The following ZFAND3 variants were observed in gnomAD, a reference collection of about 807,000 sequenced individuals.
The protein encoded by ZFAND3 is AN1-type zinc finger protein 3.
ZFAND3 carries 10 observed loss-of-function variants against 29.6 expected under a neutral mutation model. The ratio of observed to expected loss-of-function variants is 0.34; its 90% CI spans 0.21 to 0.57. The LOEUF is 0.57. Ranked by LOEUF, ZFAND3 falls within the 20% of genes least tolerant of loss-of-function variation. The pLI is 0.86. For missense variants in ZFAND3, 230 were observed against 304.5 expected, an observed-to-expected ratio of 0.76 and a Z score of 1.82; for synonymous variants, 128 against 112.6, an observed-to-expected ratio of 1.14 and a Z score of -0.87.
intron 2 of ZFAND3, among the ~76,000 whole-genome samples, chr6:38,025,053 A>C (rs1763422304): frequency 6.6e-6 from 1 of 152,226 alleles, no homozygotes. Context: ...TTCACATGTC[A>C]CATGATCATT....
At position 38,153,775 on chromosome 6, in the gene ZFAND3, A is replaced by G; in HGVS notation, c.*1386A>G. On this transcript the variant is annotated 3_prime_UTR_variant, in exon 6 of 6. Coordinates refer to ENST00000287218, the MANE Select transcript of ZFAND3 (RefSeq NM_021943.3). ...TCAGGATTCCCTTGAAAGCCCAGGCAGGGTGAGCAGTCCCAGTGGTCCTAG... is the reference window on the plus strand; with the variant it reads ...TCAGGATTCCCTTGAAAGCCCAGGCGGGGTGAGCAGTCCCAGTGGTCCTAG... The G allele has an allele frequency of 1.0e-6, 1 of 985,540 alleles. No individual in the cohort carries two copies. Among genetic ancestry groups the G allele is most frequent in the Non-Finnish European group, 1.2e-6 (1 of 830,000 alleles). 61.0% of individuals were successfully genotyped at this position (985,540 alleles called of 1,614,324 possible).
At chr6:37,828,892 C>T (rs534900498) in intron 1 of ZFAND3, among the ~76,000 whole-genome samples, 2 of 152,120 alleles carry the variant, frequency 1.3e-5, no homozygotes, top group East Asian at 1.9e-4. Flanking sequence ...CCTCGTGATC[C>T]GCCCGCCTCG....
At chr6:38,068,017 T>C (rs1764379901) in intron 3 of ZFAND3, among the ~76,000 whole-genome samples, 1 of 152,204 alleles carries the variant, frequency 6.6e-6, no homozygotes, top group African/African-American at 2.4e-5. Flanking sequence ...GGAGGATTAA[T>C]GGCAAGAAAT....
rs914597425 is a variant in ZFAND3 at position 38,153,727 on chromosome 6, G to C, written c.*1338G>C. 11 of 985,352 alleles carry C rather than the reference G, an allele frequency of 1.1e-5. No individual in the cohort carries two copies. The African/African-American group carries it at 1.9e-4, about 17-fold the overall frequency. 61.0% of individuals were successfully genotyped at this position (985,352 alleles called of 1,614,324 possible). On this transcript the variant is annotated 3_prime_UTR_variant, in exon 6 of 6. Transcript: ENST00000287218. ...TTAGGAAATCACTACCAGTCAGGTGGGGCTGGGGCTGGGTGGACAGGATCA... is the reference window on the plus strand; with the variant it reads ...TTAGGAAATCACTACCAGTCAGGTGCGGCTGGGGCTGGGTGGACAGGATCA...
chr6:38,087,227 A>G (rs1764774818), intron 4 of ZFAND3, among the ~76,000 whole-genome samples: 2 of 152,208 alleles, frequency 1.3e-5, no homozygotes, highest in Non-Finnish European at 1.5e-5. Flanking sequence ...ACCTCAAACT[A>G]TGAAACTACT....
chr6:37,938,759 A>AGAT (rs541321408), intron 2 of ZFAND3, among the ~76,000 whole-genome samples: 108 of 152,238 alleles, frequency 7.1e-4, no homozygotes, highest in African/African-American at 2.2e-3. Flanking sequence ...AGTGTGTTAA[A>AGAT]GATGATGATG....
At chr6:37,910,042 C>G (rs1051952872) in intron 1 of ZFAND3, among the ~76,000 whole-genome samples, 3 of 152,174 alleles carry the variant, frequency 2.0e-5, no homozygotes, top group Non-Finnish European at 4.4e-5. Flanking sequence ...AAGGCTTGTT[C>G]TTTGCATGTC....
intron 2 of ZFAND3, among the ~76,000 whole-genome samples, chr6:37,933,000 C>T (rs1017264935): frequency 1.8e-4 from 27 of 152,106 alleles, no homozygotes; most frequent in Non-Finnish European, 3.7e-4. Flanking sequence ...GAAAAGAGAT[C>T]ATTGAACTTT....
chr6:38,079,813 T>A (rs997494407), intron 3 of ZFAND3, among the ~76,000 whole-genome samples: 1 of 152,076 alleles, frequency 6.6e-6, no homozygotes, highest in African/African-American at 2.4e-5. Context: ...GTACACTAAC[T>A]TCCTCCTATG....
At chr6:37,951,619 A>C (rs2127420918) in intron 2 of ZFAND3, among the ~76,000 whole-genome samples, 1 of 152,256 alleles carries the variant, frequency 6.6e-6, no homozygotes, top group Non-Finnish European at 1.5e-5. Flanking sequence ...AGATTAAAAA[A>C]ACCATATATC....
In ZFAND3 at chr6:37,970,651, C is replaced by G. The variant is rs148009075; in HGVS notation, c.112+40652C>G. Among the ~76,000 whole-genome samples the G allele has an allele frequency of 3.6e-3, 554 of 152,296 alleles. 3 individuals carry two copies. Among genetic ancestry groups the G allele is most frequent in the Middle Eastern group, 0.014 (4 of 294 alleles). On this transcript the variant is annotated intron_variant, in intron 2 of 5. Transcript: ENST00000287218. ...CGCGCGGTGGCTCAACGCCTGTAATCCCAGCACTTTGGGAGGCCAAGATGG... is the reference window on the plus strand; with the variant it reads ...CGCGCGGTGGCTCAACGCCTGTAATGCCAGCACTTTGGGAGGCCAAGATGG...
intron 2 of ZFAND3, among the ~76,000 whole-genome samples, chr6:37,955,779 T>C (rs1422847445): frequency 1.3e-5 from 2 of 152,206 alleles, no homozygotes; most frequent in Admixed American, 1.3e-4. Context: ...ATCACCAGTA[T>C]AAAGTCCCAG....
chr6:38,020,088 A>G (rs1360418927), intron 2 of ZFAND3, among the ~76,000 whole-genome samples: 3 of 152,242 alleles, frequency 2.0e-5, no homozygotes, highest in Non-Finnish European at 2.9e-5. Context: ...TGCATGGCAT[A>G]GACTGTAGAT....
intron 5 of ZFAND3, among the ~76,000 whole-genome samples, chr6:38,133,340 C>T (rs1187758520): frequency 3.9e-5 from 6 of 152,156 alleles, no homozygotes; most frequent in African/African-American, 1.2e-4. Flanking sequence ...ACTGTGAGAT[C>T]CCTGCGTCTT....
At chr6:38,136,460 A>C (rs1457441067) in intron 5 of ZFAND3, among the ~76,000 whole-genome samples, 2 of 152,186 alleles carry the variant, frequency 1.3e-5, no homozygotes, top group African/African-American at 4.8e-5. Flanking sequence ...AGATCTTTGC[A>C]TGATCCAAGG....
At chr6:38,109,883 C>A (rs1765281140) in intron 4 of ZFAND3, among the ~76,000 whole-genome samples, 1 of 152,086 alleles carries the variant, frequency 6.6e-6, no homozygotes, top group East Asian at 1.9e-4. Flanking sequence ...GAGTTGGCCC[C>A]AGGAAGATTT....
intron 4 of ZFAND3, among the ~76,000 whole-genome samples, chr6:38,106,802 T>C (rs1005372783): frequency 1.3e-5 from 2 of 152,234 alleles, no homozygotes; most frequent in African/African-American, 4.8e-5. Context: ...GCCCAATGTC[T>C]GTTGCACAGT....
chr6:38,077,014 A>G (rs1253046754), intron 3 of ZFAND3, among the ~76,000 whole-genome samples: 3 of 152,152 alleles, frequency 2.0e-5, no homozygotes, highest in Non-Finnish European at 4.4e-5. Context: ...GATTGTTTGA[A>G]TTTTTTGAAG....
rs1414247714 is a variant in ZFAND3 at position 38,153,116 on chromosome 6, G to C, written c.*727G>C. On this transcript the variant is annotated 3_prime_UTR_variant, in exon 6 of 6. Transcript: ENST00000287218. ...TTTTCTACACAGGATCCAAGGTCAC[G>C]AGAAGCAGCCAGAGTGCCCCGCCTC... The C allele has an allele frequency of 1.0e-6, 1 of 985,400 alleles. No individual in the cohort carries two copies. Among genetic ancestry groups the C allele is most frequent in the Non-Finnish European group, 1.2e-6 (1 of 829,972 alleles). 61.0% of individuals were successfully genotyped at this position (985,400 alleles called of 1,614,324 possible). A position where few individuals can be genotyped will look rare whatever the true frequency, so the allele number is the denominator to read the frequency against.
Sources: allele counts gnomAD v4.1 joint callset (sites outside exome capture counted in the v4.1 genomes callset), GRCh38; gene constraint gnomAD v4.1.1; transcripts MANE v1.5; gene names NCBI Gene and HGNC (gene_info 2026-07-23, HGNC 2026-07-21).